The following IFT43 variants were observed in gnomAD, a reference collection of about 807,000 sequenced individuals.
IFT43 encodes intraflagellar transport protein 43 homolog.
In IFT43, 33 loss-of-function variants were observed where a neutral mutation model predicts 32.3. The ratio of observed to expected loss-of-function variants is 1.02; its 90% CI spans 0.77 to 1.37. IFT43 has a LOEUF of 1.37. IFT43 is among the 40% of genes most tolerant of loss of function. The pLI is 0.00. For missense variants in IFT43, 274 were observed against 265.9 expected, an observed-to-expected ratio of 1.03 and a Z score of -0.21; for synonymous variants, 93 against 98.2, an observed-to-expected ratio of 0.95 and a Z score of 0.31.
chr14:75,991,573 C>T (rs1294197133), intron 2 of IFT43, among the ~76,000 whole-genome samples: 1 of 152,036 alleles, frequency 6.6e-6, no homozygotes, highest in Non-Finnish European at 1.5e-5. Flanking sequence ...AGGCTGGGGT[C>T]AGTGGGCCCT....
rs2037086538 is a variant in IFT43 at position 76,059,323 on chromosome 14, G to A, written c.249-4G>A. 3.1e-6 allele frequency: 5 copies of A among 1,613,984 alleles called. No homozygotes were observed. The highest frequency in any genetic ancestry group is 4.2e-6 in the Non-Finnish European group (5 of 1,179,878). On this transcript the variant is annotated splice_polypyrimidine_tract_variant and splice_region_variant and intron_variant, in intron 4 of 8. Coordinates refer to ENST00000314067, the MANE Select transcript of IFT43 (RefSeq NM_001102564.3). ...GCTGTCCTTTTCTTCTTTTTTGGGG[G>A]CAGTTTCCGCCTCAGACCACAGAGC...
At chr14:76,056,165 T>C (rs1399622781) in intron 3 of IFT43, among the ~76,000 whole-genome samples, 1 of 152,240 alleles carries the variant, frequency 6.6e-6, no homozygotes, top group Non-Finnish European at 1.5e-5. Flanking sequence ...TGGCCAGTGT[T>C]CGGTCTGTGA....
rs528123632 is a variant in IFT43, at chr14:76,081,373, G to C, written c.296-922G>C. Among the ~76,000 whole-genome samples, 6 of 152,242 alleles carry C rather than the reference G, an allele frequency of 3.9e-5. No individual in the cohort carries two copies. The East Asian group carries it at 1.2e-3, about 29-fold the overall frequency. ...TTCCAGGACTGTCTCACCCCACCAG[G>C]CCTTTTTTCTTGCACCATCCCTCCC... is the stretch of plus-strand genomic sequence containing the variant. On this transcript the variant is annotated intron_variant, in intron 5 of 8. Coordinates refer to ENST00000314067, the MANE Select transcript of IFT43 (RefSeq NM_001102564.3).
chr14:76,082,449 T>G, intron 6 of IFT43, 82 bp downstream of exon 6: 1 of 1,166,640 alleles, frequency 8.6e-7, no homozygotes, highest in Non-Finnish European at 1.3e-6. Context: ...TGGACCTTGA[T>G]GTCAATCTGG....
intron 3 of IFT43, among the ~76,000 whole-genome samples, chr14:76,027,760 T>C (rs1446483808): frequency 6.6e-6 from 1 of 151,538 alleles, no homozygotes; most frequent in South Asian, 2.1e-4. Context: ...ACAGTATCAC[T>C]CAGTCACTCA....
chr14:76,078,814 C>T (rs934873568), intron 5 of IFT43, among the ~76,000 whole-genome samples: 8 of 152,202 alleles, frequency 5.3e-5, no homozygotes, highest in East Asian at 1.9e-4. Flanking sequence ...TTCCCCTCCT[C>T]GGGCTTTTCA....
In IFT43 at chr14:76,083,454, G is replaced by T; in HGVS notation, c.508-4G>T. ...GTCTTACCCAGCGAAACCCTTCTTGGCAGGATGATGTCGGCTGGGACTGGG... is the reference window on the plus strand; with the variant it reads ...GTCTTACCCAGCGAAACCCTTCTTGTCAGGATGATGTCGGCTGGGACTGGG... On this transcript the variant is annotated splice_region_variant and splice_polypyrimidine_tract_variant and intron_variant, in intron 8 of 8. Transcript: ENST00000314067. The T allele has an allele frequency of 6.2e-7, 1 of 1,614,170 alleles. No homozygotes were observed. The highest frequency in any genetic ancestry group is 8.5e-7 in the Non-Finnish European group (1 of 1,180,032).
At chr14:76,066,999 G>A (rs2037234778) in intron 5 of IFT43, among the ~76,000 whole-genome samples, 1 of 152,220 alleles carries the variant, frequency 6.6e-6, no homozygotes, top group South Asian at 2.1e-4. Context: ...TGATGAATGA[G>A]ACAGTCCTTG....
chr14:76,027,891 G>A (rs572196310), intron 3 of IFT43, among the ~76,000 whole-genome samples: 7 of 151,888 alleles, frequency 4.6e-5, no homozygotes, highest in South Asian at 2.1e-4. Context: ...CTCAAATATT[G>A]TGTTTCGTAG....
At chr14:76,078,416 C>T (rs1449612845) in intron 5 of IFT43, among the ~76,000 whole-genome samples, 1 of 152,146 alleles carries the variant, frequency 6.6e-6, no homozygotes, top group East Asian at 1.9e-4. Flanking sequence ...TGTTTATTAG[C>T]CTCCACCAGA....
chr14:75,994,278 AC>A (rs1344699190), intron 2 of IFT43, among the ~76,000 whole-genome samples: 1 of 151,924 alleles, frequency 6.6e-6, no homozygotes. Context: ...TTGTCTCCAT[AC>A]CCACTTAGGA....
chr14:76,052,460 G>C (rs971436309), intron 3 of IFT43, among the ~76,000 whole-genome samples: 1 of 152,184 alleles, frequency 6.6e-6, no homozygotes, highest in East Asian at 1.9e-4. Context: ...GCAGTTGGGG[G>C]TCATAACTAC....
chr14:75,985,815 A>G lies in IFT43; in HGVS notation c.29A>G (p.Glu10Gly), dbSNP rs1023671414. 4 of 1,613,928 alleles carry G rather than the reference A, an allele frequency of 2.5e-6. No individual in the cohort carries two copies. In the African/African-American group the frequency reaches 4.0e-5, roughly 16 times the overall value. Residue 10 changes from glutamate (E) to glycine (G), a missense_variant, in exon 1 of 9, where the codon GAG (glutamate) becomes GGG (glycine). Physicochemically the swap from Glu to Gly is moderately conservative, Grantham distance 98. Transcript: ENST00000314067. MEDLLDLDE[E>G]LRYSLATSRA... is the part of the protein sequence containing the mutation. ...GAGGATTTGCTCGACTTGGACGAGGAGCTTCGCTACAGCTTGGCTACCTCC... is the reference window on the plus strand; with the variant it reads ...GAGGATTTGCTCGACTTGGACGAGGGGCTTCGCTACAGCTTGGCTACCTCC...
In IFT43 at chr14:75,999,888, C is replaced by A. The variant is rs1208309989; in HGVS notation, c.147+10911C>A. Among the ~76,000 whole-genome samples the A allele has an allele frequency of 2.6e-5, 4 of 152,150 alleles. No homozygotes were observed. The East Asian group carries it at 7.7e-4, about 29-fold the overall frequency. ...TGTTTTCTATGTTGTAGGGAGCCCA[C>A]AAAGATTTTAAAGCAAAGAATGACG... On this transcript the variant is annotated intron_variant, in intron 2 of 8. Coordinates refer to ENST00000314067, the MANE Select transcript of IFT43 (RefSeq NM_001102564.3).
intron 3 of IFT43, among the ~76,000 whole-genome samples, chr14:76,031,437 T>C (rs764562355): frequency 1.3e-5 from 2 of 152,228 alleles, no homozygotes; most frequent in Non-Finnish European, 2.9e-5. Flanking sequence ...TAGGCTATTA[T>C]GTAGCATGCT....
At chr14:76,023,020 A>G (rs1444656025) in intron 3 of IFT43, among the ~76,000 whole-genome samples, 1 of 152,102 alleles carries the variant, frequency 6.6e-6, no homozygotes, top group East Asian at 1.9e-4. Context: ...ACCATCTGAC[A>G]TTATCTCATC....
chr14:76,080,245 TAGAG>T (rs2037485247), intron 5 of IFT43, among the ~76,000 whole-genome samples: 2 of 152,234 alleles, frequency 1.3e-5, no homozygotes, highest in South Asian at 4.1e-4. Context: ...GGCTTCCAAT[TAGAG>T]AGAAATCCCA....
intron 3 of IFT43, among the ~76,000 whole-genome samples, chr14:76,048,659 G>A (rs1038148373): frequency 2.6e-5 from 4 of 152,182 alleles, no homozygotes; most frequent in African/African-American, 9.7e-5. Context: ...TTCTGGTCTA[G>A]TGGGTCGGTC....
intron 3 of IFT43, among the ~76,000 whole-genome samples, chr14:76,051,338 CTT>C (rs1319196742): frequency 6.6e-6 from 1 of 151,126 alleles, no homozygotes; most frequent in East Asian, 1.9e-4. Flanking sequence ...ACAAGGAAAA[CTT>C]CAGTTCATGA....
Sources: gnomAD v4.1 joint callset for allele counts (sites outside exome capture counted in the v4.1 genomes callset) on GRCh38, gnomAD v4.1.1 for gene constraint, MANE v1.5 for transcripts, NCBI Gene and HGNC (gene_info 2026-07-23, HGNC 2026-07-21) for gene names.